Variants in RHEX observed in about 807,000 individuals in gnomAD.
RHEX encodes regulator of hemoglobinization and erythroid cell expansion, also known as regulator of hemoglobinization and erythroid cell expansion protein.
In RHEX, 18 loss-of-function variants were observed where a neutral mutation model predicts 20.1. The observed-to-expected ratio is 0.90, with a 90% CI of 0.62 to 1.33. The LOEUF (loss-of-function observed/expected upper bound fraction) is 1.33. RHEX is among the 40% of genes most tolerant of loss of function. The probability of loss-of-function intolerance (pLI) is 0.00; values close to 1 mark genes in which losing one functional copy is unlikely to be tolerated. For synonymous variants in RHEX, 87 were observed against 77.1 expected, an observed-to-expected ratio of 1.13 and a Z score of -0.67; for missense variants, 192 against 214.3, an observed-to-expected ratio of 0.90 and a Z score of 0.65.
chr1:206,101,273 A>G (rs1663181400), intron 5 of RHEX, 76 bp downstream of exon 5: 5 of 1,174,286 alleles, frequency 4.3e-6, no homozygotes, highest in Admixed American at 4.2e-5. Context: ...TGAAAACTCA[A>G]GTTACCCCAG....
intron 1 of RHEX, among the ~76,000 whole-genome samples, chr1:206,062,946 G>A (rs1662334040): frequency 6.6e-6 from 1 of 152,116 alleles, no homozygotes; most frequent in Non-Finnish European, 1.5e-5. Context: ...CTTCTAGAAC[G>A]AACAAAGAAA....
At chr1:206,083,689 T>G in intron 1 of RHEX, 1 of 957,018 alleles carries the variant, frequency 1.0e-6, no homozygotes, top group Non-Finnish European at 1.2e-6. Flanking sequence ...TAAATTAGTT[T>G]GAAGTGTGCA....
At chr1:206,077,523 G>C in intron 1 of RHEX, among the ~76,000 whole-genome samples, 1 of 152,310 alleles carries the variant, frequency 6.6e-6, no homozygotes, top group East Asian at 1.9e-4. Context: ...TGTAATCCCA[G>C]AACTTTGGGA....
At chr1:206,057,799 T>C (rs1385113456) in intron 1 of RHEX, among the ~76,000 whole-genome samples, 4 of 152,252 alleles carry the variant, frequency 2.6e-5, no homozygotes, top group Non-Finnish European at 1.5e-5. Flanking sequence ...AATCTTACAA[T>C]ACTATGGACC....
chr1:206,101,655 T>A, intron 5 of RHEX, 97 bp from the exon 6 acceptor site: 1 of 927,036 alleles, frequency 1.1e-6, no homozygotes, highest in Admixed American at 2.1e-5. Context: ...CACCAAGCCA[T>A]GGGCGAATCT....
intron 1 of RHEX, among the ~76,000 whole-genome samples, chr1:206,073,314 G>A (rs1048256794): frequency 6.6e-6 from 1 of 152,158 alleles, no homozygotes; most frequent in Admixed American, 6.5e-5. Context: ...GCAGACAGGT[G>A]CATACATCTG....
intron 1 of RHEX, among the ~76,000 whole-genome samples, chr1:206,076,518 G>A (rs1215582415): frequency 6.6e-6 from 1 of 152,156 alleles, no homozygotes; most frequent in African/African-American, 2.4e-5. Flanking sequence ...AGAGGCTCAC[G>A]CCCACGGCAG....
intron 1 of RHEX, among the ~76,000 whole-genome samples, chr1:206,090,029 C>G (rs1288302063): frequency 6.6e-6 from 1 of 151,894 alleles, no homozygotes; most frequent in Non-Finnish European, 1.5e-5. Context: ...AGGTAGCTAA[C>G]CCATTGTCTT....
At chr1:206,082,275 T>A (rs1403418016) in intron 1 of RHEX, among the ~76,000 whole-genome samples, 9 of 152,228 alleles carry the variant, frequency 5.9e-5, no homozygotes, top group Non-Finnish European at 1.3e-4. Context: ...CCCAGTACTT[T>A]GGGAGGCTGA....
chr1:206,065,787 T>C (rs73088170), intron 1 of RHEX, among the ~76,000 whole-genome samples: 5,746 of 152,272 alleles, frequency 0.038, 373 homozygotes, highest in African/African-American at 0.13. Flanking sequence ...AATGGGCAGC[T>C]GCTTCCCCTG....
chr1:206,082,697 G>T (rs1276040690), intron 1 of RHEX, among the ~76,000 whole-genome samples: 1 of 152,108 alleles, frequency 6.6e-6, no homozygotes, highest in Non-Finnish European at 1.5e-5. Flanking sequence ...AATCAGAGAG[G>T]TTAAGTAACT....
chr1:206,059,015 C>T (rs1386054280), intron 1 of RHEX, among the ~76,000 whole-genome samples: 1 of 152,060 alleles, frequency 6.6e-6, no homozygotes, highest in Non-Finnish European at 1.5e-5. Context: ...CCTTTCTGGC[C>T]CTGGATAGAC....
chr1:206,099,735 G>A lies in RHEX; in HGVS notation c.193G>A (p.Val65Ile). The A allele has an allele frequency of 1.2e-6, 2 of 1,614,002 alleles. No homozygotes were observed. Among genetic ancestry groups the A allele is most frequent in the South Asian group, 1.1e-5 (1 of 91,076 alleles). The stretch of plus-strand genomic sequence containing the variant: ...CCCTGGCCACCATCATCCACCTGCT[G>A]TCAAAGAGATGAAGGAGACTCAGAC... The part of the protein sequence containing the change: ...PSPGHHHPPA[V>I]KEMKETQTER... Residue 65 changes from valine (V) to isoleucine (I), a missense_variant, in exon 4 of 6, where the codon GTC becomes ATC. Val to Ile is a conservative substitution (Grantham distance 29). Transcript: ENST00000331555.
intron 1 of RHEX, among the ~76,000 whole-genome samples, chr1:206,096,878 G>A (rs782435441): frequency 8.6e-5 from 13 of 150,672 alleles, no homozygotes; most frequent in Admixed American, 4.0e-4. Flanking sequence ...GGGATCAAGC[G>A]ATCCTCCCAC....
chr1:206,102,210 G>T lies in RHEX; in HGVS notation c.*258G>T. On this transcript the variant is annotated 3_prime_UTR_variant, in exon 6 of 6. Coordinates refer to ENST00000331555, the MANE Select transcript of RHEX (RefSeq NM_001007544.4). ...GCTGGGAAAACAGGCCAATGCCCCGGCAAGAAAGGTTGAGATCAGATGTTA... is the reference window on the plus strand; with the variant it reads ...GCTGGGAAAACAGGCCAATGCCCCGTCAAGAAAGGTTGAGATCAGATGTTA... 2.0e-6 allele frequency: 1 copy of T among 506,712 alleles called. No individual in the cohort carries two copies. The highest frequency in any genetic ancestry group is 3.5e-6 in the Non-Finnish European group (1 of 282,808). The allele number at this position is 506,712 out of a possible 1,614,324, so 31.4% of individuals were successfully genotyped here.
At chr1:206,078,571 AAAAAT>A (rs1290449819) in intron 1 of RHEX, among the ~76,000 whole-genome samples, 2 of 152,100 alleles carry the variant, frequency 1.3e-5, no homozygotes, top group African/African-American at 2.4e-5. Flanking sequence ...CAAAAAAATA[AAAAAT>A]AAAATAAAGT....
intron 4 of RHEX, among the ~76,000 whole-genome samples, 153 bp from the exon 5 acceptor site, chr1:206,100,981 GTC>G (rs1663174125): frequency 6.6e-6 from 1 of 151,924 alleles, no homozygotes; most frequent in Admixed American, 6.6e-5. Context: ...CTCTTTTGGG[GTC>G]TCTGTATCTC....
intron 1 of RHEX, among the ~76,000 whole-genome samples, chr1:206,056,878 T>C (rs992302054): frequency 1.3e-5 from 2 of 152,264 alleles, no homozygotes; most frequent in Admixed American, 6.5e-5. Context: ...TGGTCTTGCG[T>C]TATTTCGGCT....
intron 1 of RHEX, among the ~76,000 whole-genome samples, chr1:206,096,782 T>TTTG (rs1663079763): frequency 1.5e-5 from 2 of 134,490 alleles, no homozygotes; most frequent in African/African-American, 5.6e-5. Flanking sequence ...TTTTTTTTGG[T>TTTG]TTTTTTTTTT....
Sources: allele counts gnomAD v4.1 joint callset (sites outside exome capture counted in the v4.1 genomes callset), GRCh38; gene constraint gnomAD v4.1.1; transcripts MANE v1.5; gene names NCBI Gene and HGNC (gene_info 2026-07-23, HGNC 2026-07-21).